The following MALRD1 variants were observed in gnomAD, a reference collection of about 807,000 sequenced individuals.
MALRD1 encodes the protein MAM and LDL-receptor class A domain-containing protein 1.
A neutral mutation model predicts 242.1 loss-of-function variants in MALRD1; 247 were observed. The observed-to-expected ratio is 1.02, with a 90% confidence interval of 0.92 to 1.13. The LOEUF is 1.13. MALRD1 is among the 50% of genes most tolerant of loss of function. The pLI is 0.00. For synonymous variants in MALRD1, 995 were observed against 866.6 expected, an observed-to-expected ratio of 1.15 and a Z score of -2.60; for missense variants, 2,989 against 2,533.1, an observed-to-expected ratio of 1.18 and a Z score of -3.86.
chr10:19,532,247 A>G (rs1376210080), intron 32 of MALRD1, among the ~76,000 whole-genome samples: 1 of 152,142 alleles, frequency 6.6e-6, no homozygotes, highest in Non-Finnish European at 1.5e-5. Flanking sequence ...AAAATCTGAT[A>G]TCTTTTTTTT....
chr10:19,550,815 T>C (rs1835441112), intron 32 of MALRD1, among the ~76,000 whole-genome samples: 1 of 152,182 alleles, frequency 6.6e-6, no homozygotes, highest in African/African-American at 2.4e-5. Context: ...CATACCTATG[T>C]GTATGTCTTT....
At chr10:19,298,184 G>A (rs1841792467) in intron 21 of MALRD1, among the ~76,000 whole-genome samples, 1 of 151,936 alleles carries the variant, frequency 6.6e-6, no homozygotes, top group Admixed American at 6.6e-5. Flanking sequence ...TGGGCACATG[G>A]GAAGAAGGAC....
At chr10:19,483,004 G>A (rs1837077331) in intron 29 of MALRD1, among the ~76,000 whole-genome samples, 1 of 151,822 alleles carries the variant, frequency 6.6e-6, no homozygotes, top group African/African-American at 2.4e-5. Flanking sequence ...TGAGCACAAA[G>A]AACAAAGCTA....
At chr10:19,248,897 C>A (rs1035221662) in intron 18 of MALRD1, among the ~76,000 whole-genome samples, 3 of 146,192 alleles carry the variant, frequency 2.1e-5, no homozygotes, top group African/African-American at 7.5e-5. Context: ...ATATGATATA[C>A]GTGTATATCA....
chr10:19,688,775 C>A (rs966425253), intron 36 of MALRD1, among the ~76,000 whole-genome samples: 1 of 152,288 alleles, frequency 6.6e-6, no homozygotes, highest in East Asian at 1.9e-4. Flanking sequence ...CTCAGCGTGC[C>A]ATTAGAAGGG....
chr10:19,187,279 G>T (rs1835781763), intron 14 of MALRD1, among the ~76,000 whole-genome samples: 1 of 152,124 alleles, frequency 6.6e-6, no homozygotes, highest in Admixed American at 6.5e-5. Context: ...ACTATTTTTA[G>T]AAGGGATGTG....
At chr10:19,287,662 C>G (rs986373448) in intron 21 of MALRD1, among the ~76,000 whole-genome samples, 3 of 151,984 alleles carry the variant, frequency 2.0e-5, no homozygotes, top group Non-Finnish European at 4.4e-5. Context: ...GGTAATGGTG[C>G]TGGGATATTT....
At chr10:19,719,237 T>TACACAC (rs1286755272) in intron 38 of MALRD1, among the ~76,000 whole-genome samples, 1 of 124,924 alleles carries the variant, frequency 8.0e-6, no homozygotes, top group African/African-American at 3.2e-5. Flanking sequence ...TATATATATA[T>TACACAC]ATATATATAT....
intron 29 of MALRD1, among the ~76,000 whole-genome samples, chr10:19,481,772 A>G (rs1837004160): frequency 6.6e-6 from 1 of 152,096 alleles, no homozygotes; most frequent in African/African-American, 2.4e-5. Flanking sequence ...CTACTTGGTT[A>G]AATGACCAGC....
At chr10:19,113,385 G>A in intron 5 of MALRD1, among the ~76,000 whole-genome samples, 1 of 151,960 alleles carries the variant, frequency 6.6e-6, no homozygotes, top group Non-Finnish European at 1.5e-5. Flanking sequence ...TAATTCCTGG[G>A]TATTATGCAA....
chr10:19,544,614 AT>A (rs1479425639), intron 32 of MALRD1, among the ~76,000 whole-genome samples: 9 of 150,954 alleles, frequency 6.0e-5, no homozygotes, highest in Non-Finnish European at 1.2e-4. Flanking sequence ...CTATTAAAGT[AT>A]TTATTATGAA....
chr10:19,605,485 CTTTT>C (rs369007691), intron 34 of MALRD1, among the ~76,000 whole-genome samples: 2 of 128,482 alleles, frequency 1.6e-5, no homozygotes, highest in Non-Finnish European at 3.3e-5. Flanking sequence ...GTTTTTCTTT[CTTTT>C]TTTTTTTTTT....
At chr10:19,356,734 C>G (rs1479429730) in intron 26 of MALRD1, among the ~76,000 whole-genome samples, 2 of 152,082 alleles carry the variant, frequency 1.3e-5, no homozygotes, top group Non-Finnish European at 1.5e-5. Context: ...GGGCCTGTCT[C>G]TGACAAAAGA....
chr10:19,393,442 ATT>A (rs71387074), intron 28 of MALRD1, among the ~76,000 whole-genome samples: 79 of 110,028 alleles, frequency 7.2e-4, no homozygotes, highest in African/African-American at 2.5e-3. Flanking sequence ...GATGAGGTTA[ATT>A]TTTTTTTTTT....
chr10:19,133,909 A>G lies in MALRD1; in HGVS notation c.1164A>G (p.Lys388=). 1.6e-6 allele frequency: 2 copies of G among 1,231,124 alleles called. No individual in the cohort carries two copies. Among genetic ancestry groups the G allele is most frequent in the Non-Finnish European group, 2.0e-6 (2 of 987,494 alleles). The allele number at this position is 1,231,124 out of a possible 1,614,324, so 76.3% of individuals were successfully genotyped here. Residue 388 remains lysine (K), a synonymous_variant, in exon 9 of 40, where the codon AAA becomes AAG. Coordinates refer to ENST00000454679, the MANE Select transcript of MALRD1 (RefSeq NM_001142308.3). ...YNISTHSQWV[K]ADVLIPEDLK... is the part of the protein sequence containing the mutation. ...TATCAACTCACAGCCAATGGGTGAA[A>G]GCAGATGTGTTAATACCAGAAGATC...
intron 10 of MALRD1, 107 bp downstream of exon 10, chr10:19,136,888 A>C: frequency 1.5e-6 from 1 of 657,914 alleles, no homozygotes; most frequent in Non-Finnish European, 2.2e-6. Context: ...CATATGTATG[A>C]AATGTGATAA....
chr10:19,595,444 T>C lies in MALRD1; in HGVS notation c.5931T>C (p.Asp1977=). The change falls in exon 34 of 40, where the codon GAT becomes GAC. Residue 1977 remains aspartate, a synonymous_variant. Coordinates refer to ENST00000454679, the MANE Select transcript of MALRD1 (RefSeq NM_001142308.3). ...DGVPDCHFNE[D]ELICSNKSCS... is the part of the protein sequence containing the mutation. Reference sequence around the variant, plus strand: ...TGCCCGACTGCCACTTTAATGAAGATGAGCTCATCTGCTGTGAGTTATTTT... The same window carrying C: ...TGCCCGACTGCCACTTTAATGAAGACGAGCTCATCTGCTGTGAGTTATTTT... 1 of 1,549,818 alleles carries C rather than the reference T, an allele frequency of 6.5e-7. No homozygotes were observed. Among genetic ancestry groups the C allele is most frequent in the Non-Finnish European group, 8.7e-7 (1 of 1,146,432 alleles).
intron 36 of MALRD1, among the ~76,000 whole-genome samples, chr10:19,678,264 T>G (rs1842218304): frequency 6.6e-6 from 1 of 152,200 alleles, no homozygotes; most frequent in Non-Finnish European, 1.5e-5. Flanking sequence ...TTGCGCAGTA[T>G]GGCCATTTTC....
At chr10:19,073,117 G>A (rs1454693616) in intron 2 of MALRD1, among the ~76,000 whole-genome samples, 1 of 151,978 alleles carries the variant, frequency 6.6e-6, no homozygotes, top group Non-Finnish European at 1.5e-5. Flanking sequence ...ATTTCACCAT[G>A]TTGGCCAGAC....
Sources: gnomAD v4.1 joint callset for allele counts (sites outside exome capture counted in the v4.1 genomes callset) on GRCh38, gnomAD v4.1.1 for gene constraint, MANE v1.5 for transcripts, NCBI Gene and HGNC (gene_info 2026-07-23, HGNC 2026-07-21) for gene names.